CCDC178: variants seen among roughly 807,000 people sequenced by gnomAD.
The protein encoded by CCDC178 is coiled-coil domain-containing protein 178.
CCDC178 carries 126 observed loss-of-function variants against 117.4 expected under a neutral mutation model. That is an observed-to-expected ratio of 1.07 (90% CI 0.93 to 1.24). CCDC178 has a LOEUF of 1.24. Ranked by LOEUF, CCDC178 falls within the 50% of genes most tolerant of loss-of-function variation. The pLI, the probability that CCDC178 is intolerant of heterozygous loss-of-function variation, is 0.00. For synonymous variants in CCDC178, 283 were observed against 313.4 expected, an observed-to-expected ratio of 0.90 and a Z score of 1.02; for missense variants, 1,030 against 986.9, an observed-to-expected ratio of 1.04 and a Z score of -0.59.
chr18:33,391,834 G>C (rs887310506), intron 4 of CCDC178, among the ~76,000 whole-genome samples: 14 of 151,386 alleles, frequency 9.2e-5, no homozygotes, highest in Admixed American at 7.2e-4. Context: ...ATATGTACTA[G>C]GACATTAAAG....
intron 20 of CCDC178, among the ~76,000 whole-genome samples, chr18:33,190,713 C>T (rs2058847299): frequency 6.6e-6 from 1 of 152,160 alleles, no homozygotes; most frequent in Admixed American, 6.5e-5. Flanking sequence ...TTCCCTGATT[C>T]ACTTTCATAC....
intron 20 of CCDC178, among the ~76,000 whole-genome samples, chr18:33,179,595 G>A (rs461620): frequency 0.16 from 24,458 of 151,802 alleles, 2,748 homozygotes; most frequent in African/African-American, 0.32. Flanking sequence ...TATAACCCAA[G>A]TGTGATTTTA....
chr18:33,249,437 T>C (rs1423873499), intron 14 of CCDC178, among the ~76,000 whole-genome samples: 1 of 152,140 alleles, frequency 6.6e-6, no homozygotes, highest in Non-Finnish European at 1.5e-5. Flanking sequence ...CTTTAATAAA[T>C]TTTTGTATAA....
chr18:33,177,500 T>G (rs530308714), intron 20 of CCDC178, among the ~76,000 whole-genome samples: 2 of 152,232 alleles, frequency 1.3e-5, no homozygotes, highest in East Asian at 3.9e-4. Context: ...CCTTGGGGAG[T>G]TGGCTTTGTG....
chr18:33,394,423 T>G (rs2063603663), intron 4 of CCDC178, among the ~76,000 whole-genome samples: 1 of 152,048 alleles, frequency 6.6e-6, no homozygotes, highest in Non-Finnish European at 1.5e-5. Context: ...ATTTAAACTT[T>G]GTGTCTAGTT....
At chr18:33,393,350 G>C (rs1334402524) in intron 4 of CCDC178, among the ~76,000 whole-genome samples, 1 of 152,030 alleles carries the variant, frequency 6.6e-6, no homozygotes, top group Non-Finnish European at 1.5e-5. Context: ...AATGGTTTTA[G>C]AGTAAAACAA....
Position 32,937,674 on chromosome 18 carries a change from T to G in CCDC178, c.*337A>C, listed in dbSNP as rs1285515112. 2 of 249,242 alleles carry G rather than the reference T, an allele frequency of 8.0e-6. No individual in the cohort carries two copies. The highest frequency in any genetic ancestry group is 4.5e-5 in the African/African-American group (2 of 44,554). The allele number at this position is 249,242 out of a possible 1,614,324, so 15.4% of individuals were successfully genotyped here. A position where few individuals can be genotyped will look rare whatever the true frequency, so the allele number is the denominator to read the frequency against. ...TTTGGGCCAAGACGATAGGGAAATC[T>G]GGGGAAGCGAACAGTCACTGTCAAC... is the stretch of plus-strand genomic sequence containing the variant. On this transcript the variant is annotated 3_prime_UTR_variant, in exon 23 of 23. Coordinates refer to ENST00000383096, the MANE Select transcript of CCDC178 (RefSeq NM_001105528.4).
intron 11 of CCDC178, among the ~76,000 whole-genome samples, chr18:33,317,898 C>T (rs1318365217): frequency 6.6e-6 from 1 of 152,136 alleles, no homozygotes; most frequent in African/African-American, 2.4e-5. Flanking sequence ...AACCAAAGGA[C>T]TTCAAAAGGA....
intron 22 of CCDC178, among the ~76,000 whole-genome samples, chr18:32,946,979 A>T (rs971403091): frequency 6.6e-6 from 1 of 151,696 alleles, no homozygotes; most frequent in East Asian, 1.9e-4. Context: ...ACGGGGTTTC[A>T]CCGCGTTAGC....
rs1172229387 is a variant in CCDC178, at chr18:33,344,805, A to G, written c.658+1406T>C. On this transcript the variant is annotated intron_variant, in intron 9 of 22. Transcript: ENST00000383096. Reference sequence around the variant, plus strand: ...ATGGTAGCCTCATTGCCTCTAAAGCACACACACACACACACACACACACAC... The same window carrying G: ...ATGGTAGCCTCATTGCCTCTAAAGCGCACACACACACACACACACACACAC... 3.6e-3 allele frequency among the ~76,000 whole-genome samples: 8 copies of G among 2,196 alleles called. No individual in the cohort carries two copies. The East Asian group carries it at 0.042, about 11-fold the overall frequency. The allele number at this position is 2,196 out of a possible 152,430, so 1.4% of individuals were successfully genotyped here.
At chr18:33,286,059 T>C (rs2060095575) in intron 12 of CCDC178, among the ~76,000 whole-genome samples, 1 of 151,034 alleles carries the variant, frequency 6.6e-6, no homozygotes, top group Non-Finnish European at 1.5e-5. Flanking sequence ...TTGCAACCTC[T>C]GCCTCCCGGT....
At chr18:33,075,278 TC>T (rs1338976782) in intron 21 of CCDC178, among the ~76,000 whole-genome samples, 1 of 152,178 alleles carries the variant, frequency 6.6e-6, no homozygotes, top group Non-Finnish European at 1.5e-5. Flanking sequence ...GACTTGTATC[TC>T]CATTTAATTT....
At chr18:33,084,634 A>C (rs994230843) in intron 21 of CCDC178, among the ~76,000 whole-genome samples, 1 of 151,874 alleles carries the variant, frequency 6.6e-6, no homozygotes, top group African/African-American at 2.4e-5. Context: ...AACATACTGA[A>C]ACCCCGTCTC....
intron 20 of CCDC178, among the ~76,000 whole-genome samples, chr18:33,179,059 TAA>T (rs757037955): frequency 6.8e-4 from 10 of 14,756 alleles, no homozygotes; most frequent in South Asian, 6.8e-3. Flanking sequence ...AAGCACTCAG[TAA>T]AAAAAAAAAA....
chr18:33,267,404 A>G, intron 12 of CCDC178, 107 bp from the exon 13 acceptor site: 4 of 611,674 alleles, frequency 6.5e-6, no homozygotes, highest in African/African-American at 1.9e-5. Context: ...TCAGTTACAT[A>G]AAAATTGAAA....
intron 20 of CCDC178, among the ~76,000 whole-genome samples, chr18:33,167,434 G>A (rs1269586130): frequency 6.6e-6 from 1 of 152,028 alleles, no homozygotes; most frequent in African/African-American, 2.4e-5. Context: ...GTTATTTTTC[G>A]ATGTTTTAGT....
intron 21 of CCDC178, among the ~76,000 whole-genome samples, chr18:33,063,635 C>T (rs953677440): frequency 3.3e-5 from 5 of 152,136 alleles, no homozygotes; most frequent in Non-Finnish European, 5.9e-5. Flanking sequence ...TACACAGAGC[C>T]CAAGGGACCT....
intron 12 of CCDC178, among the ~76,000 whole-genome samples, chr18:33,286,571 T>C (rs2144848702): frequency 6.6e-6 from 1 of 152,310 alleles, no homozygotes; most frequent in East Asian, 1.9e-4. Flanking sequence ...TGAATGGGTA[T>C]TTTGTGGTGT....
chr18:33,191,415 T>G (rs970235019), intron 20 of CCDC178, among the ~76,000 whole-genome samples: 1 of 152,152 alleles, frequency 6.6e-6, no homozygotes, highest in Non-Finnish European at 1.5e-5. Context: ...TGATAACTAC[T>G]TTATTTCAAC....
Sources: gnomAD v4.1 joint callset for allele counts (sites outside exome capture counted in the v4.1 genomes callset) on GRCh38, gnomAD v4.1.1 for gene constraint, MANE v1.5 for transcripts, NCBI Gene and HGNC (gene_info 2026-07-23, HGNC 2026-07-21) for gene names.